Variants in WNT7A observed in about 807,000 individuals in gnomAD.
WNT7A encodes Wnt family member 7A.
A neutral mutation model predicts 28.2 loss-of-function variants in WNT7A; 16 were observed. The observed-to-expected ratio is 0.57, with a 90% CI of 0.38 to 0.86. The LOEUF is 0.86. Ranked by LOEUF, WNT7A falls within the 40% of genes least tolerant of loss-of-function variation. The pLI, the probability that WNT7A is intolerant of heterozygous loss-of-function variation, is 0.00. For synonymous variants in WNT7A, 190 were observed against 195.9 expected, an observed-to-expected ratio of 0.97 and a Z score of 0.25; for missense variants, 411 against 489.7, an observed-to-expected ratio of 0.84 and a Z score of 1.52.
chr3:13,864,319 C>T (rs1197053266), intron 2 of WNT7A, among the ~76,000 whole-genome samples: 1 of 152,102 alleles, frequency 6.6e-6, no homozygotes, highest in African/African-American at 2.4e-5. Flanking sequence ...ATGCCTGGTC[C>T]CACCTCTTTC....
intron 3 of WNT7A, among the ~76,000 whole-genome samples, chr3:13,837,148 C>A (rs1424530310): frequency 1.3e-5 from 2 of 152,242 alleles, no homozygotes; most frequent in African/African-American, 2.4e-5. Flanking sequence ...CCCCAGGGCA[C>A]CCACTGCCTC....
intron 2 of WNT7A, among the ~76,000 whole-genome samples, chr3:13,856,901 A>AGAGGAG (rs1694744228): frequency 1.8e-5 from 1 of 55,166 alleles, no homozygotes; most frequent in African/African-American, 8.2e-5. Context: ...AAAAAGAAGA[A>AGAGGAG]GAAGAAGAAG....
At chr3:13,854,894 C>T in intron 2 of WNT7A, 91 bp from the exon 3 acceptor site, 12 of 1,543,208 alleles carry the variant, frequency 7.8e-6, no homozygotes, top group Non-Finnish European at 1.1e-5. Flanking sequence ...AGGCTGAGCT[C>T]AATGCAATGG....
chr3:13,826,095 G>A (rs1313178322), intron 3 of WNT7A, among the ~76,000 whole-genome samples: 1 of 152,198 alleles, frequency 6.6e-6, no homozygotes. Flanking sequence ...GTTTCACAGT[G>A]AGGACCTACT....
At chr3:13,868,088 G>A (rs1322167072) in intron 2 of WNT7A, among the ~76,000 whole-genome samples, 1 of 152,178 alleles carries the variant, frequency 6.6e-6, no homozygotes, top group African/African-American at 2.4e-5. Flanking sequence ...CAAGATTCAA[G>A]GTAGGGAAAG....
At chr3:13,824,023 A>T (rs1223200751) in intron 3 of WNT7A, among the ~76,000 whole-genome samples, 1 of 152,222 alleles carries the variant, frequency 6.6e-6, no homozygotes, top group East Asian at 1.9e-4. Flanking sequence ...AGGGTGCTGC[A>T]CCAACTCTTT....
At chr3:13,842,719 C>G (rs1256285314) in intron 3 of WNT7A, among the ~76,000 whole-genome samples, 6 of 152,144 alleles carry the variant, frequency 3.9e-5, no homozygotes, top group Non-Finnish European at 8.8e-5. Context: ...GGGATGGAGA[C>G]AAAGGCACCA....
At chr3:13,864,279 C>T (rs1694877266) in intron 2 of WNT7A, among the ~76,000 whole-genome samples, 1 of 152,118 alleles carries the variant, frequency 6.6e-6, no homozygotes, top group South Asian at 2.1e-4. Flanking sequence ...CCAAGCAAAC[C>T]CCCTGAGTCT....
At chr3:13,855,758 G>T (rs1253261084) in intron 2 of WNT7A, among the ~76,000 whole-genome samples, 1 of 152,174 alleles carries the variant, frequency 6.6e-6, no homozygotes, top group Non-Finnish European at 1.5e-5. Flanking sequence ...TGTGGTATAA[G>T]CCCTGAGGAG....
intron 2 of WNT7A, among the ~76,000 whole-genome samples, chr3:13,874,070 G>A (rs1025504220): frequency 6.6e-6 from 1 of 152,182 alleles, no homozygotes; most frequent in Admixed American, 6.5e-5. Context: ...AGATGGGGGA[G>A]CGTGGGACAG....
chr3:13,835,228 G>A (rs1020605186), intron 3 of WNT7A, among the ~76,000 whole-genome samples: 8 of 152,168 alleles, frequency 5.3e-5, no homozygotes, highest in African/African-American at 9.7e-5. Flanking sequence ...GAGCACATGT[G>A]GAATGGCATT....
chr3:13,868,828 G>GAAAGAGAGAGAGAGAGAGAAAGAA (rs1553576869), intron 2 of WNT7A, among the ~76,000 whole-genome samples: 13 of 47,452 alleles, frequency 2.7e-4, no homozygotes, highest in African/African-American at 6.7e-4. Context: ...GAGAGAGAAA[G>GAAAGAGAGAGAGAGAGAGAAAGAA]AGAGAAAGAG....
chr3:13,866,982 G>A (rs1425987513), intron 2 of WNT7A, among the ~76,000 whole-genome samples: 2 of 152,150 alleles, frequency 1.3e-5, no homozygotes, highest in Non-Finnish European at 2.9e-5. Flanking sequence ...TAGTTTGGAG[G>A]TAGAGTCAAA....
chr3:13,868,829 A>AAT (rs1694974267), intron 2 of WNT7A, among the ~76,000 whole-genome samples: 1 of 21,464 alleles, frequency 4.7e-5, no homozygotes, highest in Admixed American at 5.6e-4. Context: ...AGAGAGAAAG[A>AAT]GAGAAAGAGA....
intron 3 of WNT7A, among the ~76,000 whole-genome samples, chr3:13,833,617 A>C (rs1168355562): frequency 1.3e-5 from 2 of 152,206 alleles, no homozygotes; most frequent in Non-Finnish European, 2.9e-5. Flanking sequence ...ACCTCCCTGC[A>C]GGCTGCTAGG....
At chr3:13,835,269 G>A (rs1251224071) in intron 3 of WNT7A, among the ~76,000 whole-genome samples, 4 of 152,338 alleles carry the variant, frequency 2.6e-5, no homozygotes, top group African/African-American at 9.6e-5. Context: ...CCACGCAGAG[G>A]ACAGACTAGA....
chr3:13,873,536 G>C (rs767309244), intron 2 of WNT7A, among the ~76,000 whole-genome samples: 1 of 152,126 alleles, frequency 6.6e-6, no homozygotes, highest in Non-Finnish European at 1.5e-5. Context: ...ACAGAATATG[G>C]TGACAAAACC....
chr3:13,856,924 A>AAGG (rs1694747258), intron 2 of WNT7A, among the ~76,000 whole-genome samples: 4 of 108,252 alleles, frequency 3.7e-5, no homozygotes, highest in South Asian at 6.5e-4. Context: ...GAAGAAGAAG[A>AAGG]AGAAGAAGAA....
intron 3 of WNT7A, among the ~76,000 whole-genome samples, chr3:13,849,757 C>A (rs148478695): frequency 0.012 from 1,812 of 152,220 alleles, 38 homozygotes; most frequent in African/African-American, 0.039. Context: ...AACATCTGAG[C>A]CAGGAATTGA....
Sources: allele counts gnomAD v4.1 joint callset (sites outside exome capture counted in the v4.1 genomes callset), GRCh38; gene constraint gnomAD v4.1.1; transcripts MANE v1.5; gene names NCBI Gene and HGNC (gene_info 2026-07-23, HGNC 2026-07-21).